Variants in NFIB observed in about 807,000 individuals in gnomAD.
NFIB encodes the protein nuclear factor 1 B-type.
Under a neutral mutation model 61.5 loss-of-function variants are expected in NFIB, and 11 were observed. The ratio of observed to expected loss-of-function variants is 0.18; its 90% CI spans 0.11 to 0.30. The LOEUF (loss-of-function observed/expected upper bound fraction) is 0.30, where lower values mean the gene tolerates loss of function less well. Ranked by LOEUF, NFIB falls within the 10% of genes least tolerant of loss-of-function variation. The pLI is 1.00. For missense variants in NFIB, 471 were observed against 608.9 expected (o/e 0.77, Z 2.38); for synonymous variants, 260 against 216.5 (o/e 1.20, Z -1.76).
At chr9:14,143,023 T>C (rs1235975861) in intron 6 of NFIB, among the ~76,000 whole-genome samples, 1 of 152,096 alleles carries the variant, frequency 6.6e-6, no homozygotes, top group African/African-American at 2.4e-5. Flanking sequence ...CTGACAAATT[T>C]AATTTTCATC....
intron 6 of NFIB, among the ~76,000 whole-genome samples, chr9:14,128,067 A>T (rs2039910563): frequency 6.6e-6 from 1 of 152,146 alleles, no homozygotes. Context: ...CAAGATGCCA[A>T]AAATAATACT....
At chr9:14,187,461 G>A (rs1229875633) in intron 2 of NFIB, among the ~76,000 whole-genome samples, 1 of 152,040 alleles carries the variant, frequency 6.6e-6, no homozygotes, top group Non-Finnish European at 1.5e-5. Context: ...TAAAATATAC[G>A]TTTGATTTAG....
At chr9:14,436,050 T>G in the NFIB span, among the ~76,000 whole-genome samples, 2 of 152,212 alleles carry the variant, frequency 1.3e-5, no homozygotes, top group Non-Finnish European at 2.9e-5. Context: ...TGATCCACAT[T>G]TATTGCATGG....
At chr9:14,164,741 G>A (rs548072309) in intron 3 of NFIB, among the ~76,000 whole-genome samples, 6 of 152,108 alleles carry the variant, frequency 3.9e-5, no homozygotes, top group Non-Finnish European at 8.8e-5. Context: ...TGAGTGGACC[G>A]ATTATCCTAG....
chr9:14,319,832 G>C (rs2060623092), intron 1 of NFIB, among the ~76,000 whole-genome samples: 1 of 152,120 alleles, frequency 6.6e-6, no homozygotes, highest in Non-Finnish European at 1.5e-5. Flanking sequence ...CAAAGTCAAA[G>C]CAATGCATAA....
intron 10 of NFIB, among the ~76,000 whole-genome samples, chr9:14,098,538 G>A (rs536831915): frequency 2.4e-4 from 36 of 152,306 alleles, no homozygotes; most frequent in African/African-American, 8.4e-4. Context: ...CAGTCAGGGA[G>A]TAACTGCTGT....
upstream of NFIB, among the ~76,000 whole-genome samples, chr9:14,401,190 C>A (rs982335823): frequency 7.2e-5 from 11 of 152,190 alleles, no homozygotes; most frequent in Admixed American, 5.9e-4. Flanking sequence ...TGTGTCTACC[C>A]ATTGACAACC....
intron 2 of NFIB, among the ~76,000 whole-genome samples, chr9:14,259,076 G>A (rs757865828): frequency 6.6e-6 from 1 of 152,198 alleles, no homozygotes; most frequent in Non-Finnish European, 1.5e-5. Flanking sequence ...TGAATCATAA[G>A]CACATAAGGC....
the NFIB span, among the ~76,000 whole-genome samples, chr9:14,524,814 CA>C: frequency 6.6e-6 from 1 of 152,138 alleles, no homozygotes; most frequent in Non-Finnish European, 1.5e-5. Context: ...AGAACACCGG[CA>C]AAATTCTGGA....
At chr9:14,359,835 GTTAGA>G (rs1472888051) in intron 1 of NFIB, among the ~76,000 whole-genome samples, 12 of 152,092 alleles carry the variant, frequency 7.9e-5, no homozygotes, top group African/African-American at 2.9e-4. Context: ...AAGTAGTAAA[GTTAGA>G]TTTAAAGAAA....
intron 6 of NFIB, among the ~76,000 whole-genome samples, chr9:14,132,724 C>G (rs1391503364): frequency 6.6e-6 from 1 of 151,970 alleles, no homozygotes; most frequent in African/African-American, 2.4e-5. Context: ...CACGATCACA[C>G]CCAGCTAATT....
chr9:14,386,348 C>T (rs1213219316), intron 1 of NFIB, among the ~76,000 whole-genome samples: 1 of 152,144 alleles, frequency 6.6e-6, no homozygotes, highest in East Asian at 1.9e-4. Context: ...AAATTCTGAA[C>T]CCAAAAGAAC....
intron 2 of NFIB, among the ~76,000 whole-genome samples, chr9:14,301,613 A>G (rs2059756901): frequency 6.6e-6 from 1 of 151,996 alleles, no homozygotes; most frequent in African/African-American, 2.4e-5. Flanking sequence ...CCTTTGAAAA[A>G]TGAGATCATA....
At chr9:14,427,939 T>TTTTTTTTTTTTTTG in the NFIB span, among the ~76,000 whole-genome samples, 5 of 70,640 alleles carry the variant, frequency 7.1e-5, no homozygotes, top group Admixed American at 1.3e-4. Flanking sequence ...ATTCAGTTGT[T>TTTTTTTTTTTTTTG]TTTTTTTTTT....
At chr9:14,286,776 T>C (rs2058733725) in intron 2 of NFIB, among the ~76,000 whole-genome samples, 1 of 152,212 alleles carries the variant, frequency 6.6e-6, no homozygotes, top group Admixed American at 6.5e-5. Context: ...TGAATAGTTG[T>C]TGAATGAATA....
At chr9:14,346,290 A>AACCCCCCCCC (rs2061019183) in intron 1 of NFIB, among the ~76,000 whole-genome samples, 6 of 88,396 alleles carry the variant, frequency 6.8e-5, no homozygotes, top group Non-Finnish European at 1.3e-4. Context: ...GGTAACCGAC[A>AACCCCCCCCC]CCCCCCCCCC....
intron 2 of NFIB, among the ~76,000 whole-genome samples, chr9:14,227,974 AG>A (rs1328748442): frequency 7.2e-5 from 11 of 152,294 alleles, no homozygotes; most frequent in Non-Finnish European, 1.6e-4. Flanking sequence ...ATCATTTTCA[AG>A]TATCCAAGTT....
intron 2 of NFIB, among the ~76,000 whole-genome samples, chr9:14,194,534 C>G (rs1563887276): frequency 6.6e-6 from 1 of 152,042 alleles, no homozygotes; most frequent in African/African-American, 2.4e-5. Flanking sequence ...GAAACTTAAA[C>G]TTTCATTCTA....
At chr9:14,413,134 A>C in the NFIB span, among the ~76,000 whole-genome samples, 1 of 152,262 alleles carries the variant, frequency 6.6e-6, no homozygotes, top group Non-Finnish European at 1.5e-5. Flanking sequence ...TTGGATTTGT[A>C]ATGAAACTTA....
Sources: gnomAD v4.1 joint callset for allele counts (sites outside exome capture counted in the v4.1 genomes callset) on GRCh38, gnomAD v4.1.1 for gene constraint, MANE v1.5 for transcripts, NCBI Gene and HGNC (gene_info 2026-07-23, HGNC 2026-07-21) for gene names.